The following ADGRD1 variants were observed in gnomAD, a reference collection of about 807,000 sequenced individuals.
ADGRD1 encodes adhesion G protein-coupled receptor D1, also known as G-protein coupled receptor 133.
In ADGRD1, 77 loss-of-function variants were observed where a neutral mutation model predicts 113.4. That is an observed-to-expected ratio of 0.68 (90% CI 0.57 to 0.82). ADGRD1 has a LOEUF of 0.82. Among genes scored for constraint, ADGRD1 ranks in the 40% least tolerant of loss-of-function variants. The pLI is 0.00. For synonymous variants in ADGRD1, 474 were observed against 475.0 expected, an observed-to-expected ratio of 1.00 and a Z score of 0.03; for missense variants, 1,036 against 1,139.1, an observed-to-expected ratio of 0.91 and a Z score of 1.30.
Position 131,139,826 on chromosome 12 carries a change from T to G in ADGRD1, c.*563T>G, listed in dbSNP as rs1031460932. 1 of 153,048 alleles carries G rather than the reference T, an allele frequency of 6.5e-6. No homozygotes were observed. The highest frequency in any genetic ancestry group is 2.4e-5 in the African/African-American group (1 of 41,440). The allele number at this position is 153,048 out of a possible 1,614,324, so 9.5% of individuals were successfully genotyped here. On this transcript the variant is annotated 3_prime_UTR_variant, in exon 25 of 25. Coordinates refer to ENST00000261654, the MANE Select transcript of ADGRD1 (RefSeq NM_198827.5). Reference sequence around the variant, plus strand: ...TAGCCGTGGTGTGTGTCTCTGTAGGTGGTGCCGGCGTGGGCCAACCTGTGC... The same window carrying G: ...TAGCCGTGGTGTGTGTCTCTGTAGGGGGTGCCGGCGTGGGCCAACCTGTGC...
intron 21 of ADGRD1, among the ~76,000 whole-genome samples, chr12:131,133,516 T>C (rs1376897627): frequency 1.3e-5 from 2 of 152,228 alleles, no homozygotes; most frequent in Non-Finnish European, 1.5e-5. Flanking sequence ...CCCAGGTCTT[T>C]GCAGGGCACA....
At position 130,954,194 on chromosome 12, in the gene ADGRD1, G is replaced by A; in HGVS notation, c.-272G>A. 1 of 382,284 alleles carries A rather than the reference G, an allele frequency of 2.6e-6. No individual in the cohort carries two copies. Among genetic ancestry groups the A allele is most frequent in the Non-Finnish European group, 4.6e-6 (1 of 217,064 alleles). The allele number at this position is 382,284 out of a possible 1,614,324, so 23.7% of individuals were successfully genotyped here. On this transcript the variant is annotated 5_prime_UTR_variant, in exon 1 of 25. Transcript: ENST00000261654. This position sits in a 1 kb window ranked among gnomAD's most constrained non-coding sequence, Gnocchi z 4.7. Reference sequence around the variant, plus strand: ...ATTGCTTTCCCAGGACTGCGAGTCGGGTTTGGGTTTCTCCTCCCTGCATTC... The same window carrying A: ...ATTGCTTTCCCAGGACTGCGAGTCGAGTTTGGGTTTCTCCTCCCTGCATTC...
intron 4 of ADGRD1, chr12:130,973,015 C>G (rs1871871891): frequency 6.6e-6 from 1 of 152,138 alleles, no homozygotes; most frequent in Non-Finnish European, 1.5e-5. Context: ...TTCGGTTGGA[C>G]GGGCATCGGG....
intron 13 of ADGRD1, among the ~76,000 whole-genome samples, chr12:131,046,304 TC>T (rs1882750229): frequency 3.2e-5 from 3 of 94,726 alleles, no homozygotes; most frequent in East Asian, 4.0e-4. Context: ...TGGTCAGTGC[TC>T]CCTCCCTGGT....
chr12:130,997,198 C>CCA lies in ADGRD1; in HGVS notation c.967-3184_967-3183insAC, dbSNP rs1482132219. On this transcript the variant is annotated intron_variant, in intron 8 of 24. Transcript: ENST00000261654. Reference sequence around the variant, plus strand: ...CCGGGCGGGGGGCTGACCCCCCCCCCCGGACGGGGCAGCTGGCCGGGCAGA... The same window carrying CCA: ...CCGGGCGGGGGGCTGACCCCCCCCCCCACGGACGGGGCAGCTGGCCGGGCAGA... 1.4e-5 allele frequency among the ~76,000 whole-genome samples: 2 copies of CCA among 143,242 alleles called. 1 individual carries two copies. Among genetic ancestry groups the CCA allele is most frequent in the African/African-American group, 5.2e-5 (2 of 38,442 alleles). 94.0% of individuals were successfully genotyped at this position (143,242 alleles called of 152,430 possible). A position where few individuals can be genotyped will look rare whatever the true frequency, so the allele number is the denominator to read the frequency against.
At chr12:131,087,307 C>T (rs992741961) in intron 15 of ADGRD1, among the ~76,000 whole-genome samples, 1 of 152,206 alleles carries the variant, frequency 6.6e-6, no homozygotes, top group Admixed American at 6.5e-5. Flanking sequence ...CATTCACCCT[C>T]GGGTCCCTCG....
At chr12:131,045,505 A>ACCCCCCCC (rs35800678) in intron 13 of ADGRD1, among the ~76,000 whole-genome samples, 1 of 146,388 alleles carries the variant, frequency 6.8e-6, no homozygotes, top group Non-Finnish European at 1.5e-5. Context: ...CTGTACAGGG[A>ACCCCCCCC]CCCCCCCCCA....
chr12:131,017,899 C>G (rs548779645), intron 13 of ADGRD1, among the ~76,000 whole-genome samples: 5 of 150,882 alleles, frequency 3.3e-5, no homozygotes, highest in Non-Finnish European at 7.4e-5. Context: ...CACAGACACA[C>G]ACAACCAGTG....
In ADGRD1 at chr12:131,004,206, C is replaced by G; in HGVS notation, c.1165C>G (p.Leu389Val). Residue 389 changes from leucine to valine, a missense_variant, in exon 11 of 25, where the codon CTG (leucine) becomes GTG (valine). By Grantham distance (32) the Leu-to-Val change is conservative. Coordinates refer to ENST00000261654, the MANE Select transcript of ADGRD1 (RefSeq NM_198827.5). ...CGCAGAGTTTTCCGTGGCCAAAATC[C>G]TGCCCAAGACCGTGAATTCCTCCCA... ...AMAEFSVAKI[L>V]PKTVNSSHYR... The G allele has an allele frequency of 6.2e-7, 1 of 1,613,886 alleles. No individual in the cohort carries two copies.
At chr12:130,986,941 GT>G in intron 5 of ADGRD1, 153 bp from the exon 6 acceptor site, 1 of 633,004 alleles carries the variant, frequency 1.6e-6, no homozygotes. Flanking sequence ...ACTGGGGAAA[GT>G]CAGGTCTGTG....
chr12:130,997,246 G>A (rs1357916481), intron 8 of ADGRD1, among the ~76,000 whole-genome samples: 1 of 145,994 alleles, frequency 6.8e-6, no homozygotes, highest in Non-Finnish European at 1.5e-5. Flanking sequence ...TTCCCAGTAG[G>A]GGCGGCTGGG....
intron 20 of ADGRD1, among the ~76,000 whole-genome samples, chr12:131,130,495 G>A (rs916972779): frequency 4.6e-5 from 7 of 152,336 alleles, no homozygotes; most frequent in African/African-American, 7.2e-5. Flanking sequence ...AGACAGGGCC[G>A]GTCTCCTGCT....
chr12:131,099,333 T>C (rs185237508), intron 15 of ADGRD1, among the ~76,000 whole-genome samples: 20 of 152,308 alleles, frequency 1.3e-4, no homozygotes, highest in African/African-American at 4.3e-4. Flanking sequence ...CCTAAGGCTG[T>C]GTGCAGGTCG....
chr12:130,986,151 TCTTC>T (rs1235069108), intron 5 of ADGRD1, among the ~76,000 whole-genome samples: 1 of 152,224 alleles, frequency 6.6e-6, no homozygotes, highest in African/African-American at 2.4e-5. Flanking sequence ...ATTCTGGCTC[TCTTC>T]CTTCTCCATA....
chr12:131,070,052 A>G (rs1885028182), intron 13 of ADGRD1: 1 of 152,226 alleles, frequency 6.6e-6, no homozygotes, highest in Non-Finnish European at 1.5e-5. Flanking sequence ...AGCCACAAGC[A>G]AAGGCCTGTC....
At chr12:130,969,340 A>G (rs925708283) in intron 3 of ADGRD1, 2 of 402,060 alleles carry the variant, frequency 5.0e-6, no homozygotes, top group Non-Finnish European at 9.0e-6. Flanking sequence ...ACTGGGCTGC[A>G]CAGCAGGAAG....
rs943776555 is a variant in ADGRD1 at position 131,027,312 on chromosome 12, G to A, written c.1473+12972G>A. ...TCGGGGCTTCTCTAGGTGTGTGTGT[G>A]TGTGCACACAATTTTATATAAATGG... On this transcript the variant is annotated intron_variant, in intron 13 of 24. Transcript: ENST00000261654. The surrounding 1 kb of genome is among the most constrained non-coding windows in gnomAD (Gnocchi z 5.1). The A allele has an allele frequency of 6.6e-6, 1 of 152,184 alleles. No individual in the cohort carries two copies. The highest frequency in any genetic ancestry group is 1.5e-5 in the Non-Finnish European group (1 of 68,030). 9.4% of individuals were successfully genotyped at this position (152,184 alleles called of 1,614,324 possible). A position where few individuals can be genotyped will look rare whatever the true frequency, so the allele number is the denominator to read the frequency against.
chr12:131,114,842 A>G (rs545639277), intron 18 of ADGRD1, among the ~76,000 whole-genome samples: 4 of 152,196 alleles, frequency 2.6e-5, no homozygotes, highest in Non-Finnish European at 2.9e-5. Context: ...AGGAGCCCAC[A>G]AGGTAGCCAG....
chr12:131,130,482 T>C (rs1200597050), intron 20 of ADGRD1, among the ~76,000 whole-genome samples: 1 of 152,180 alleles, frequency 6.6e-6, no homozygotes, highest in African/African-American at 2.4e-5. Context: ...GAAGCCTCCG[T>C]GCAGACAGGG....
Sources: allele counts gnomAD v4.1 joint callset (sites outside exome capture counted in the v4.1 genomes callset), GRCh38; gene constraint gnomAD v4.1.1; non-coding constraint Gnocchi (gnomAD v3.1); transcripts MANE v1.5; gene names NCBI Gene and HGNC (gene_info 2026-07-23, HGNC 2026-07-21).